NDRG1: variants seen among roughly 807,000 people sequenced by gnomAD.
NDRG1 encodes the protein N-myc downstream regulated 1.
In NDRG1, 32 loss-of-function variants were observed where a neutral mutation model predicts 56.9. That is an observed-to-expected ratio of 0.56 (90% CI 0.42 to 0.76). The LOEUF (loss-of-function observed/expected upper bound fraction) is 0.76, where lower values mean the gene tolerates loss of function less well. Ranked by LOEUF, NDRG1 falls within the 30% of genes least tolerant of loss-of-function variation. The pLI is 0.00. For synonymous variants in NDRG1, 211 were observed against 204.1 expected, an observed-to-expected ratio of 1.03 and a Z score of -0.29; for missense variants, 507 against 545.7, an observed-to-expected ratio of 0.93 and a Z score of 0.71.
chr8:133,273,005 C>T (rs903337943), intron 3 of NDRG1, among the ~76,000 whole-genome samples: 9 of 152,214 alleles, frequency 5.9e-5, no homozygotes, highest in African/African-American at 2.2e-4. Flanking sequence ...TTGTACATCC[C>T]TAAGACCAGC....
intron 15 of NDRG1, chr8:133,239,688 G>A (rs118014659): frequency 1.2e-5 from 2 of 169,972 alleles, no homozygotes; most frequent in East Asian, 3.0e-4. Flanking sequence ...GATCTTCTCT[G>A]AGACCTCAAA....
intron 14 of NDRG1, among the ~76,000 whole-genome samples, 197 bp from the exon 15 acceptor site, chr8:133,242,271 G>A (rs769675320): frequency 3.3e-5 from 5 of 152,178 alleles, no homozygotes; most frequent in Non-Finnish European, 7.3e-5. Flanking sequence ...TGTGGAACTT[G>A]GACAAGTTAC....
intron 1 of NDRG1, among the ~76,000 whole-genome samples, chr8:133,290,853 A>G (rs1385058697): frequency 6.6e-6 from 1 of 152,232 alleles, no homozygotes; most frequent in African/African-American, 2.4e-5. Flanking sequence ...GCATTCACTC[A>G]GCACACTGTT....
In NDRG1 at chr8:133,238,651, G is replaced by T; in HGVS notation, c.*227C>A. The T allele has an allele frequency of 1.7e-6, 1 of 595,204 alleles. No individual in the cohort carries two copies. The highest frequency in any genetic ancestry group is 2.8e-5 in the East Asian group (1 of 35,482). 36.9% of individuals were successfully genotyped at this position (595,204 alleles called of 1,614,324 possible). On this transcript the variant is annotated 3_prime_UTR_variant, in exon 16 of 16. Coordinates refer to ENST00000323851, the MANE Select transcript of NDRG1 (RefSeq NM_006096.4). ...GCCACTGGTTAATGGAAGAGGATGC[G>T]ATGCGGAGATGCTTGCTTCCTTCCT...
intron 3 of NDRG1, among the ~76,000 whole-genome samples, chr8:133,277,248 G>C (rs559255176): frequency 3.2e-4 from 48 of 152,266 alleles, no homozygotes; most frequent in Admixed American, 6.5e-4. Flanking sequence ...GTTGTTTAAT[G>C]GGACAGAGTT....
At chr8:133,275,465 G>A (rs2130774681) in intron 3 of NDRG1, among the ~76,000 whole-genome samples, 1 of 152,220 alleles carries the variant, frequency 6.6e-6, no homozygotes, top group East Asian at 1.9e-4. Context: ...TGCTTGTGCT[G>A]TTACCTCTGC....
chr8:133,244,175 C>G (rs1356994496), intron 14 of NDRG1, among the ~76,000 whole-genome samples, 180 bp downstream of exon 14: 2 of 152,198 alleles, frequency 1.3e-5, no homozygotes, highest in African/African-American at 4.8e-5. Context: ...ATCACCTACT[C>G]CACAGGGGTT....
chr8:133,249,990 G>A (rs1264915621), intron 10 of NDRG1, among the ~76,000 whole-genome samples: 1 of 152,120 alleles, frequency 6.6e-6, no homozygotes, highest in Non-Finnish European at 1.5e-5. Context: ...GGTTGAGAGG[G>A]CCACGCCTTA....
chr8:133,260,980 A>G (rs913661902), intron 5 of NDRG1, among the ~76,000 whole-genome samples: 1 of 152,170 alleles, frequency 6.6e-6, no homozygotes, highest in Non-Finnish European at 1.5e-5. Context: ...CCATGCCCAT[A>G]CAGATCACGA....
rs114300519 is a variant in NDRG1 at position 133,285,063 on chromosome 8, G to A, written c.-18-734C>T. Among the ~76,000 whole-genome samples, 6 of 152,188 alleles carry A rather than the reference G, an allele frequency of 3.9e-5. No homozygotes were observed. In the East Asian group the frequency reaches 7.7e-4, roughly 20 times the overall value. On this transcript the variant is annotated intron_variant, in intron 1 of 15. Coordinates refer to ENST00000323851, the MANE Select transcript of NDRG1 (RefSeq NM_006096.4). ...TTACCTGTGCTCTAACACAGGGCAG[G>A]TGCAGAAGTGTGGGCTGCAAAACCA...
intron 1 of NDRG1, among the ~76,000 whole-genome samples, chr8:133,287,871 C>T (rs528738910): frequency 6.6e-6 from 1 of 152,178 alleles, no homozygotes; most frequent in East Asian, 1.9e-4. Context: ...TTTAGTAATT[C>T]CTAGTAGGTA....
At chr8:133,248,141 G>A (rs1258988679) in intron 11 of NDRG1, among the ~76,000 whole-genome samples, 9 of 152,226 alleles carry the variant, frequency 5.9e-5, no homozygotes, top group African/African-American at 2.2e-4. Context: ...GGGAATTTCT[G>A]TGACTCAGTG....
intron 3 of NDRG1, among the ~76,000 whole-genome samples, chr8:133,265,707 A>T (rs984199977): frequency 6.6e-5 from 10 of 152,062 alleles, no homozygotes; most frequent in Non-Finnish European, 1.5e-4. Context: ...AACAAAAAAA[A>T]AAGGCACCCT....
chr8:133,240,121 C>A (rs1364788947), intron 15 of NDRG1: 1 of 152,168 alleles, frequency 6.6e-6, no homozygotes, highest in Non-Finnish European at 1.5e-5. Flanking sequence ...GGGAGCAAGG[C>A]CCTGCCCACA....
intron 3 of NDRG1, among the ~76,000 whole-genome samples, chr8:133,278,717 A>G (rs189807991): frequency 1.2e-3 from 178 of 152,238 alleles, no homozygotes; most frequent in African/African-American, 4.1e-3. Context: ...GCAAGCTCTC[A>G]GCACAGCACC....
chr8:133,246,976 T>C (rs1855720352), intron 12 of NDRG1, among the ~76,000 whole-genome samples: 1 of 152,218 alleles, frequency 6.6e-6, no homozygotes, highest in Non-Finnish European at 1.5e-5. Flanking sequence ...ACTGTAGAAA[T>C]ACCTGCTAAA....
chr8:133,255,592 C>A, intron 8 of NDRG1: 2 of 342,424 alleles, frequency 5.8e-6, no homozygotes, highest in Non-Finnish European at 5.8e-6. Context: ...GCTGGAAAAT[C>A]AAATAAAAAA....
At chr8:133,260,093 A>T (rs1402146767) in intron 5 of NDRG1, among the ~76,000 whole-genome samples, 1 of 152,208 alleles carries the variant, frequency 6.6e-6, no homozygotes, top group Non-Finnish European at 1.5e-5. Flanking sequence ...CCATGGCTCA[A>T]TTTGGAGCCA....
Position 133,238,453 on chromosome 8 carries a change from T to C in NDRG1, c.*425A>G, listed in dbSNP as rs1318761442. ...TTTTGTTTCCGGAAACTGGATCAGC[T>C]TCTCCTCAGTTAAAGAGGAAACGGG... On this transcript the variant is annotated 3_prime_UTR_variant, in exon 16 of 16. Transcript: ENST00000323851. The C allele has an allele frequency of 3.8e-6, 1 of 263,616 alleles. No individual in the cohort carries two copies. Among genetic ancestry groups the C allele is most frequent in the East Asian group, 5.7e-5 (1 of 17,584 alleles). 16.3% of individuals were successfully genotyped at this position (263,616 alleles called of 1,614,324 possible).
Sources: allele counts gnomAD v4.1 joint callset (sites outside exome capture counted in the v4.1 genomes callset), GRCh38; gene constraint gnomAD v4.1.1; transcripts MANE v1.5; gene names NCBI Gene and HGNC (gene_info 2026-07-23, HGNC 2026-07-21).